The following LRRC4C variants were observed in gnomAD, a reference collection of about 807,000 sequenced individuals.
LRRC4C encodes leucine rich repeat containing 4C, also known as leucine-rich repeat-containing protein 4C.
A neutral mutation model predicts 33.6 loss-of-function variants in LRRC4C; 5 were observed. That is an observed-to-expected ratio of 0.15 (90% CI 0.08 to 0.31). The LOEUF (loss-of-function observed/expected upper bound fraction) is 0.31. Ranked by LOEUF, LRRC4C falls within the 10% of genes least tolerant of loss-of-function variation. The pLI is 1.00. For missense variants in LRRC4C, 560 were observed against 796.7 expected (o/e 0.70, Z 3.58); for synonymous variants, 329 against 302.0 (o/e 1.09, Z -0.93).
At chr11:40,264,829 G>A (rs1044354749) in intron 4 of LRRC4C, among the ~76,000 whole-genome samples, 11 of 152,116 alleles carry the variant, frequency 7.2e-5, no homozygotes, top group Admixed American at 1.3e-4. Flanking sequence ...AGATGCTCCA[G>A]TCTGCCCATC....
intron 3 of LRRC4C, among the ~76,000 whole-genome samples, chr11:40,533,231 CAAAT>C (rs960006160): frequency 3.3e-5 from 5 of 152,078 alleles, no homozygotes; most frequent in Admixed American, 1.3e-4. Flanking sequence ...AATTGATTAA[CAAAT>C]AAAAATATTT....
chr11:41,414,189 C>T (rs1344029535), intron 1 of LRRC4C, among the ~76,000 whole-genome samples: 1 of 152,134 alleles, frequency 6.6e-6, no homozygotes, highest in African/African-American at 2.4e-5. Flanking sequence ...TGCCTGACAG[C>T]TCTTGATAAG....
chr11:41,177,045 G>C (rs894010492), intron 1 of LRRC4C, among the ~76,000 whole-genome samples: 1 of 151,938 alleles, frequency 6.6e-6, no homozygotes, highest in Non-Finnish European at 1.5e-5. Flanking sequence ...ATAGTCAGGG[G>C]AGTCTCCACT....
intron 2 of LRRC4C, among the ~76,000 whole-genome samples, chr11:40,847,731 T>A (rs1300142140): frequency 6.6e-6 from 1 of 151,820 alleles, no homozygotes; most frequent in Non-Finnish European, 1.5e-5. Context: ...GGCACAAACT[T>A]CTCTTTGTAC....
chr11:40,916,262 G>A (rs1327447733), intron 2 of LRRC4C, among the ~76,000 whole-genome samples: 1 of 152,246 alleles, frequency 6.6e-6, no homozygotes, highest in African/African-American at 2.4e-5. Context: ...GTTTATTGTG[G>A]CACTATTCAC....
intron 1 of LRRC4C, among the ~76,000 whole-genome samples, chr11:40,952,755 C>T (rs1958754778): frequency 6.6e-6 from 1 of 151,554 alleles, no homozygotes; most frequent in African/African-American, 2.4e-5. Context: ...CACAATCAGG[C>T]ATCTGAAACT....
At position 40,832,545 on chromosome 11, in the gene LRRC4C, T is replaced by G. The variant is rs11036094; in HGVS notation, c.-407+101090A>C. 2.6e-5 allele frequency among the ~76,000 whole-genome samples: 4 copies of G among 152,094 alleles called. No individual in the cohort carries two copies. The East Asian group carries it at 7.8e-4, about 30-fold the overall frequency. ...TCAAAACACTAGATGGAATCAGAAGTGCCTTGAGGACACCTACTTCAGTCT... is the reference window on the plus strand; with the variant it reads ...TCAAAACACTAGATGGAATCAGAAGGGCCTTGAGGACACCTACTTCAGTCT... On this transcript the variant is annotated intron_variant, in intron 2 of 6. Coordinates refer to ENST00000528697, the MANE Select transcript of LRRC4C (RefSeq NM_001258419.2).
intron 3 of LRRC4C, among the ~76,000 whole-genome samples, chr11:40,351,380 A>G (rs143937754): frequency 9.3e-4 from 142 of 152,080 alleles, no homozygotes; most frequent in African/African-American, 3.3e-3. Context: ...TTCTGCAGCT[A>G]CTGGATGAAA....
rs528299480 is a variant in LRRC4C at position 41,231,090 on chromosome 11, C to T, written c.-496+228341G>A. ...TACCATCTCATGTCAGTTAGAATGG[C>T]GATCATTAAATAGTCAGGAAACAAC... On this transcript the variant is annotated intron_variant, in intron 1 of 6. Coordinates refer to ENST00000528697, the MANE Select transcript of LRRC4C (RefSeq NM_001258419.2). Among the ~76,000 whole-genome samples the T allele has an allele frequency of 2.3e-4, 35 of 151,928 alleles. 1 individual carries two copies. The South Asian group carries it at 6.0e-3, about 26-fold the overall frequency.
intron 2 of LRRC4C, among the ~76,000 whole-genome samples, chr11:40,760,094 T>G (rs1311965256): frequency 6.6e-6 from 1 of 152,034 alleles, no homozygotes; most frequent in Non-Finnish European, 1.5e-5. Context: ...TGTGATGCAG[T>G]AGAGCTGAGT....
chr11:40,210,831 G>T (rs1461909711), intron 5 of LRRC4C, among the ~76,000 whole-genome samples: 2 of 152,138 alleles, frequency 1.3e-5, no homozygotes, highest in African/African-American at 4.8e-5. Flanking sequence ...GGAGTGCAGT[G>T]GCATCATCTC....
At chr11:40,903,639 TA>T (rs943580261) in intron 2 of LRRC4C, among the ~76,000 whole-genome samples, 4 of 152,154 alleles carry the variant, frequency 2.6e-5, no homozygotes, top group African/African-American at 9.7e-5. Flanking sequence ...AATTAGTTTG[TA>T]AGATGATTTC....
At chr11:40,125,744 A>G (rs72885383) in intron 6 of LRRC4C, among the ~76,000 whole-genome samples, 4,470 of 152,306 alleles carry the variant, frequency 0.029, 90 homozygotes, top group Middle Eastern at 0.037. Flanking sequence ...TTCTACTGCA[A>G]AATCATTTAT....
chr11:40,495,364 A>G (rs983148419), intron 3 of LRRC4C, among the ~76,000 whole-genome samples: 8 of 152,166 alleles, frequency 5.3e-5, no homozygotes, highest in African/African-American at 1.9e-4. Context: ...GCAGCGCCAC[A>G]TATTTGGAAA....
At chr11:40,309,359 G>T (rs1335290167) in intron 4 of LRRC4C, among the ~76,000 whole-genome samples, 1 of 151,982 alleles carries the variant, frequency 6.6e-6, no homozygotes, top group East Asian at 1.9e-4. Context: ...TCTTTTCAAG[G>T]TTCATCTATG....
chr11:40,911,705 T>C (rs1451337039), intron 2 of LRRC4C, among the ~76,000 whole-genome samples: 1 of 152,314 alleles, frequency 6.6e-6, no homozygotes, highest in African/African-American at 2.4e-5. Context: ...AGAATGACTT[T>C]TATGAGTTGA....
intron 2 of LRRC4C, among the ~76,000 whole-genome samples, chr11:40,687,938 T>C (rs1450648333): frequency 1.3e-5 from 2 of 151,992 alleles, no homozygotes; most frequent in African/African-American, 4.8e-5. Context: ...CTTATTATAA[T>C]AAATACCTGG....
At chr11:41,357,088 C>T (rs922562609) in intron 1 of LRRC4C, among the ~76,000 whole-genome samples, 4 of 151,990 alleles carry the variant, frequency 2.6e-5, no homozygotes, top group Non-Finnish European at 5.9e-5. Flanking sequence ...ACCCTACACA[C>T]ACTTTGGGAC....
intron 1 of LRRC4C, among the ~76,000 whole-genome samples, chr11:40,939,580 A>G (rs993106389): frequency 5.9e-5 from 9 of 152,098 alleles, no homozygotes; most frequent in African/African-American, 1.9e-4. Context: ...CTGGGGATTC[A>G]CCAGAAACTA....
Sources: gnomAD v4.1 joint callset for allele counts (sites outside exome capture counted in the v4.1 genomes callset) on GRCh38, gnomAD v4.1.1 for gene constraint, MANE v1.5 for transcripts, NCBI Gene and HGNC (gene_info 2026-07-23, HGNC 2026-07-21) for gene names.